Variants in STARD13 observed in about 807,000 individuals in gnomAD.
STARD13 encodes the protein StAR related lipid transfer domain containing 13, also known as stAR-related lipid transfer protein 13.
Under a neutral mutation model 106.4 loss-of-function variants are expected in STARD13, and 62 were observed. The ratio of observed to expected loss-of-function variants is 0.58; its 90% CI spans 0.48 to 0.72. STARD13 has a LOEUF of 0.72. Among genes scored for constraint, STARD13 ranks in the 30% least tolerant of loss-of-function variants. The probability of loss-of-function intolerance (pLI) is 0.00; values close to 1 mark genes in which losing one functional copy is unlikely to be tolerated. For missense variants in STARD13, 1,387 were observed against 1,424.0 expected (o/e 0.97, Z 0.42); for synonymous variants, 565 against 553.0 (o/e 1.02, Z -0.31).
chr13:33,233,424 C>A (rs1889025254), intron 1 of STARD13, among the ~76,000 whole-genome samples: 6 of 152,236 alleles, frequency 3.9e-5, no homozygotes, highest in Admixed American at 2.6e-4. Flanking sequence ...GAGGAGACGA[C>A]AGCCTGACTG....
chr13:33,116,072 C>T (rs1875325377), intron 8 of STARD13, among the ~76,000 whole-genome samples: 1 of 152,292 alleles, frequency 6.6e-6, no homozygotes, highest in South Asian at 2.1e-4. Flanking sequence ...GACGGTTCCC[C>T]AATGCTTAAT....
chr13:33,361,814 A>G, the STARD13 span, among the ~76,000 whole-genome samples: 347 of 152,290 alleles, frequency 2.3e-3, 1 homozygote, highest in African/African-American at 7.8e-3. Context: ...CCATGATTCA[A>G]TCACCTCCTA....
chr13:33,151,992 G>T (rs1489623650), intron 3 of STARD13, among the ~76,000 whole-genome samples: 1 of 152,100 alleles, frequency 6.6e-6, no homozygotes, highest in East Asian at 1.9e-4. Context: ...AAATAGGGAA[G>T]TTGACAGGGA....
chr13:33,182,426 G>A (rs1351696672), intron 1 of STARD13, among the ~76,000 whole-genome samples: 1 of 152,090 alleles, frequency 6.6e-6, no homozygotes, highest in Non-Finnish European at 1.5e-5. Flanking sequence ...TGCTGAATTT[G>A]ACTCAAATAT....
At chr13:33,400,604 G>A in the STARD13 span, among the ~76,000 whole-genome samples, 3 of 152,072 alleles carry the variant, frequency 2.0e-5, no homozygotes, top group Admixed American at 6.5e-5. Context: ...GGGACTACAG[G>A]CGCCCGCCAC....
At chr13:33,515,380 A>G in the STARD13 span, among the ~76,000 whole-genome samples, 46 of 152,148 alleles carry the variant, frequency 3.0e-4, no homozygotes, top group Admixed American at 3.0e-3. Flanking sequence ...CAAGAAAGTA[A>G]TTTTTCTCAC....
chr13:33,650,457 TG>T, the STARD13 span, among the ~76,000 whole-genome samples: 4 of 152,010 alleles, frequency 2.6e-5, no homozygotes, highest in African/African-American at 4.8e-5. Flanking sequence ...CCCAAAGTGC[TG>T]GGATTACAGG....
At chr13:33,564,872 G>A in the STARD13 span, among the ~76,000 whole-genome samples, 4 of 144,674 alleles carry the variant, frequency 2.8e-5, no homozygotes, top group Non-Finnish European at 4.6e-5. Flanking sequence ...ACACGCCTAT[G>A]GTCCCAGCTA....
chr13:33,360,211 T>G, the STARD13 span, among the ~76,000 whole-genome samples: 1 of 152,206 alleles, frequency 6.6e-6, no homozygotes, highest in Non-Finnish European at 1.5e-5. Flanking sequence ...AGTCGATTTT[T>G]TTTTTTCTTC....
At chr13:33,429,932 G>GA in the STARD13 span, among the ~76,000 whole-genome samples, 1 of 149,758 alleles carries the variant, frequency 6.7e-6, no homozygotes, top group African/African-American at 2.5e-5. Context: ...TTTTTTGGGG[G>GA]GGGGGGACGG....
chr13:33,459,039 G>C, the STARD13 span, among the ~76,000 whole-genome samples: 1 of 151,776 alleles, frequency 6.6e-6, no homozygotes, highest in East Asian at 1.9e-4. Context: ...ACCTGTGCCC[G>C]GCCTATTATT....
chr13:33,524,333 G>A, the STARD13 span: 1 of 1,189,824 alleles, frequency 8.4e-7, no homozygotes, highest in South Asian at 1.4e-5. Flanking sequence ...CCTTTCTTCT[G>A]ATGATTTTTC....
chr13:33,137,737 C>A lies in STARD13; in HGVS notation c.387+4573G>T, dbSNP rs12873805. On this transcript the variant is annotated intron_variant, in intron 4 of 13. Transcript: ENST00000336934. ...GTGAGTGGGAGGTTGGAAAATAAGA[C>A]CAAAGATCCTTCCAACTCAAATACC... Among the ~76,000 whole-genome samples the A allele has an allele frequency of 8.7e-3, 1,332 of 152,272 alleles. 8 individuals carry two copies. Among genetic ancestry groups the A allele is most frequent in the Non-Finnish European group, 0.013 (856 of 68,014 alleles).
At chr13:33,189,946 T>C (rs1886121627) in intron 1 of STARD13, among the ~76,000 whole-genome samples, 1 of 152,004 alleles carries the variant, frequency 6.6e-6, no homozygotes, top group Non-Finnish European at 1.5e-5. Context: ...GATCCCAAAC[T>C]TAACTCTAGA....
the STARD13 span, among the ~76,000 whole-genome samples, chr13:33,611,748 C>T: frequency 6.6e-6 from 1 of 152,150 alleles, no homozygotes; most frequent in Non-Finnish European, 1.5e-5. Flanking sequence ...TTTGTAAAGC[C>T]CAGCAGGCTT....
intron 4 of STARD13, among the ~76,000 whole-genome samples, chr13:33,131,847 C>T (rs1002161728): frequency 2.0e-5 from 3 of 152,156 alleles, no homozygotes; most frequent in African/African-American, 4.8e-5. Flanking sequence ...AAGATTGAAG[C>T]GGGTCTTGCC....
At chr13:33,621,347 C>G in the STARD13 span, among the ~76,000 whole-genome samples, 2 of 151,782 alleles carry the variant, frequency 1.3e-5, no homozygotes, top group African/African-American at 4.8e-5. Flanking sequence ...AATTAACAAA[C>G]TCTTTGAAAA....
chr13:33,326,195 G>A (rs1164552432), intron 1 of STARD13, among the ~76,000 whole-genome samples: 1 of 152,002 alleles, frequency 6.6e-6, no homozygotes, highest in East Asian at 1.9e-4. Flanking sequence ...ATTTTAAATA[G>A]GTAGCACAAA....
chr13:33,361,888 A>C, the STARD13 span, among the ~76,000 whole-genome samples: 1 of 152,230 alleles, frequency 6.6e-6, no homozygotes, highest in Non-Finnish European at 1.5e-5. Context: ...ACACAGAGCC[A>C]AACTATATCA....
Sources: gnomAD v4.1 joint callset for allele counts (sites outside exome capture counted in the v4.1 genomes callset) on GRCh38, gnomAD v4.1.1 for gene constraint, MANE v1.5 for transcripts, NCBI Gene and HGNC (gene_info 2026-07-23, HGNC 2026-07-21) for gene names.